TENM3: variants seen among roughly 807,000 people sequenced by gnomAD.
The protein encoded by TENM3 is teneurin transmembrane protein 3, also known as teneurin-3.
In TENM3, 63 loss-of-function variants were observed where a neutral mutation model predicts 255.1. That is an observed-to-expected ratio of 0.25 (90% confidence interval 0.20 to 0.30). TENM3 has a LOEUF of 0.30. TENM3 is among the 10% of genes least tolerant of loss of function. The pLI, the probability that TENM3 is intolerant of heterozygous loss-of-function variation, is 1.00. For missense variants in TENM3, 2,929 were observed against 3,461.1 expected (o/e 0.85, Z 3.86); for synonymous variants, 1,306 against 1,322.3 (o/e 0.99, Z 0.27).
At chr4:182,202,432 A>C (rs2149835502) in intron 1 of TENM3, among the ~76,000 whole-genome samples, 1 of 151,092 alleles carries the variant, frequency 6.6e-6, no homozygotes, top group South Asian at 2.1e-4. Flanking sequence ...CAGCCTCCCA[A>C]GCAGCTGGGA....
chr4:182,254,900 A>G (rs888901784), intron 1 of TENM3, among the ~76,000 whole-genome samples: 2 of 152,166 alleles, frequency 1.3e-5, no homozygotes, highest in Non-Finnish European at 2.9e-5. Flanking sequence ...CAAAAAACAA[A>G]AAACCCAAAC....
intron 5 of TENM3, among the ~76,000 whole-genome samples, chr4:182,647,639 G>T (rs1381495820): frequency 6.6e-6 from 1 of 152,086 alleles, no homozygotes; most frequent in Non-Finnish European, 1.5e-5. Flanking sequence ...TGGGCATTTG[G>T]GTTGCTTCCA....
At chr4:181,979,090 A>C in the TENM3 span, among the ~76,000 whole-genome samples, 106 of 106,922 alleles carry the variant, frequency 9.9e-4, no homozygotes, top group Admixed American at 9.2e-3. Flanking sequence ...TGCTACATTA[A>C]GCCTGACATA....
chr4:182,369,626 AT>A (rs1766661118), intron 3 of TENM3, among the ~76,000 whole-genome samples: 1 of 152,180 alleles, frequency 6.6e-6, no homozygotes, highest in Non-Finnish European at 1.5e-5. Flanking sequence ...CATGCCTGTA[AT>A]CCCAGCACTT....
the TENM3 span, among the ~76,000 whole-genome samples, chr4:182,137,820 A>G: frequency 1.3e-5 from 2 of 152,238 alleles, no homozygotes; most frequent in African/African-American, 4.8e-5. Context: ...ATCAACATCC[A>G]TAACTTAGTA....
intron 4 of TENM3, 104 bp from the exon 5 acceptor site, chr4:182,628,545 AAG>A (rs994375240): frequency 3.0e-4 from 213 of 703,566 alleles, no homozygotes; most frequent in Non-Finnish European, 4.4e-4. Context: ...TCTTTTAAAA[AAG>A]AGAGAGAGAG....
the TENM3 span, among the ~76,000 whole-genome samples, chr4:181,614,497 G>T: frequency 6.6e-6 from 1 of 152,158 alleles, no homozygotes; most frequent in Non-Finnish European, 1.5e-5. Flanking sequence ...CAAGAACCTG[G>T]ATGTTTAAAC....
chr4:182,800,636 G>A lies in TENM3; in HGVS notation c.*285G>A, dbSNP rs1201964018. ...AAGGACAAAGGCCTCGACCTGTTGC[G>A]CTGGGCCGTCTGTTCCTTCTAGGCA... On this transcript the variant is annotated 3_prime_UTR_variant, in exon 28 of 28. Coordinates refer to ENST00000511685, the MANE Select transcript of TENM3 (RefSeq NM_001080477.4). The A allele has an allele frequency of 1.2e-5, 4 of 327,282 alleles. No homozygotes were observed. The highest frequency in any genetic ancestry group is 1.7e-5 in the Non-Finnish European group (3 of 178,178). The allele number at this position is 327,282 out of a possible 1,614,324, so 20.3% of individuals were successfully genotyped here.
the TENM3 span, among the ~76,000 whole-genome samples, chr4:181,515,967 T>G: frequency 6.6e-6 from 1 of 152,172 alleles, no homozygotes; most frequent in Non-Finnish European, 1.5e-5. Flanking sequence ...AATGGTAGAT[T>G]GGATAAAGAA....
chr4:181,617,766 A>C, the TENM3 span, among the ~76,000 whole-genome samples: 3 of 152,206 alleles, frequency 2.0e-5, no homozygotes, highest in Non-Finnish European at 2.9e-5. Flanking sequence ...TTATGCCCTG[A>C]GTTGTGGGAA....
At chr4:182,237,511 A>T (rs887823325) in intron 1 of TENM3, among the ~76,000 whole-genome samples, 1 of 151,974 alleles carries the variant, frequency 6.6e-6, no homozygotes, top group Non-Finnish European at 1.5e-5. Flanking sequence ...GACTACAGGC[A>T]CCCATCATGC....
chr4:182,264,377 G>A (rs1759092571), intron 1 of TENM3, among the ~76,000 whole-genome samples: 2 of 152,170 alleles, frequency 1.3e-5, no homozygotes, highest in Non-Finnish European at 2.9e-5. Context: ...TTATGTCCTT[G>A]GGAACTTTAC....
At chr4:182,000,590 C>T in the TENM3 span, among the ~76,000 whole-genome samples, 1 of 152,070 alleles carries the variant, frequency 6.6e-6, no homozygotes, top group South Asian at 2.1e-4. Flanking sequence ...TATTATGAAC[C>T]CACAATATCC....
At chr4:182,202,375 G>A (rs898761164) in intron 1 of TENM3, among the ~76,000 whole-genome samples, 1 of 144,840 alleles carries the variant, frequency 6.9e-6, no homozygotes, top group South Asian at 2.1e-4. Context: ...GTGCAATCTC[G>A]GCTCACCACA....
chr4:181,653,582 G>A, the TENM3 span, among the ~76,000 whole-genome samples: 1 of 152,004 alleles, frequency 6.6e-6, no homozygotes, highest in Middle Eastern at 3.4e-3. Flanking sequence ...TGTATTTTTA[G>A]TAGAGACGGG....
At chr4:182,311,364 C>T (rs945329695) in intron 1 of TENM3, among the ~76,000 whole-genome samples, 1 of 152,178 alleles carries the variant, frequency 6.6e-6, no homozygotes, top group African/African-American at 2.4e-5. Flanking sequence ...AATACTGGAT[C>T]TGTTGACATC....
At chr4:182,645,010 C>G (rs1354561669) in intron 5 of TENM3, among the ~76,000 whole-genome samples, 1 of 151,942 alleles carries the variant, frequency 6.6e-6, no homozygotes, top group Admixed American at 6.6e-5. Flanking sequence ...TCAGATGTTA[C>G]AACTTATTTT....
intron 12 of TENM3, among the ~76,000 whole-genome samples, chr4:182,710,007 A>G (rs748817204): frequency 9.2e-5 from 14 of 152,214 alleles, no homozygotes; most frequent in Non-Finnish European, 1.8e-4. Flanking sequence ...ACAGCTTTGC[A>G]TAATTGATTC....
the TENM3 span, among the ~76,000 whole-genome samples, chr4:181,496,753 GACCTC>G: frequency 6.6e-6 from 1 of 152,102 alleles, no homozygotes; most frequent in South Asian, 2.1e-4. Flanking sequence ...ATAATAATGG[GACCTC>G]TAAGTGTTAC....
Sources: gnomAD v4.1 joint callset for allele counts (sites outside exome capture counted in the v4.1 genomes callset) on GRCh38, gnomAD v4.1.1 for gene constraint, MANE v1.5 for transcripts, NCBI Gene and HGNC (gene_info 2026-07-23, HGNC 2026-07-21) for gene names.